The following BCAR3 variants were observed in gnomAD, a reference collection of about 807,000 sequenced individuals.
BCAR3 encodes the protein breast cancer anti-estrogen resistance protein 3.
BCAR3 carries 37 observed loss-of-function variants against 80.1 expected under a neutral mutation model. The observed-to-expected ratio is 0.46, with a 90% confidence interval of 0.36 to 0.61. The LOEUF is 0.61. Ranked by LOEUF, BCAR3 falls within the 20% of genes least tolerant of loss-of-function variation. The pLI is 0.00. For missense variants in BCAR3, 978 were observed against 1,068.2 expected, an observed-to-expected ratio of 0.92 and a Z score of 1.18; for synonymous variants, 389 against 418.9, an observed-to-expected ratio of 0.93 and a Z score of 0.87.
At chr1:93,783,512 T>A (rs1479355858) in intron 2 of BCAR3, among the ~76,000 whole-genome samples, 1 of 152,098 alleles carries the variant, frequency 6.6e-6, no homozygotes, top group African/African-American at 2.4e-5. Context: ...GTTGGAAACA[T>A]ATAGAAAGAG....
intron 3 of BCAR3, among the ~76,000 whole-genome samples, chr1:93,619,092 C>T (rs187764672): frequency 0.028 from 4,194 of 149,786 alleles, 77 homozygotes; most frequent in Non-Finnish European, 0.041. Flanking sequence ...GCACATGCCA[C>T]CACGCCAATT....
chr1:93,614,162 A>C, intron 3 of BCAR3: 1 of 1,320,176 alleles, frequency 7.6e-7, no homozygotes, highest in Non-Finnish European at 9.6e-7. Context: ...GCTGGTGTCC[A>C]GCCTGCCATG....
In BCAR3 at chr1:93,711,784, C is replaced by T. The variant is rs940995806; in HGVS notation, c.-62-5642G>A. 2.0e-5 allele frequency among the ~76,000 whole-genome samples: 3 copies of T among 152,200 alleles called. No homozygotes were observed. In the South Asian group the frequency reaches 6.2e-4, roughly 32 times the overall value. ...TAGTTGTCCTCATCTTGTTCTTAGC[C>T]TGTCTGCCTCACTGCTAAGGAAGCA... On this transcript the variant is annotated intron_variant, in intron 2 of 13. Transcript: ENST00000370244.
chr1:93,587,269 GC>G (rs1673983518), intron 5 of BCAR3, among the ~76,000 whole-genome samples: 1 of 152,096 alleles, frequency 6.6e-6, no homozygotes, highest in African/African-American at 2.4e-5. Context: ...CAGGCAATCT[GC>G]CCACCTTAGC....
intron 7 of BCAR3, among the ~76,000 whole-genome samples, chr1:93,576,331 G>C (rs762165965): frequency 1.3e-5 from 2 of 151,742 alleles, no homozygotes; most frequent in Non-Finnish European, 2.9e-5. Context: ...ATAAAACTTA[G>C]GGGGAAAAGA....
At chr1:93,790,079 T>C (rs1653088352) in intron 2 of BCAR3, among the ~76,000 whole-genome samples, 1 of 152,190 alleles carries the variant, frequency 6.6e-6, no homozygotes, top group South Asian at 2.1e-4. Context: ...TGGCTATTAG[T>C]TCAAATTGAT....
chr1:93,639,831 T>C (rs1481283689), intron 3 of BCAR3, among the ~76,000 whole-genome samples: 1 of 152,126 alleles, frequency 6.6e-6, no homozygotes, highest in Non-Finnish European at 1.5e-5. Flanking sequence ...CTGGAGCTCC[T>C]GCCAGTATTT....
intron 2 of BCAR3, among the ~76,000 whole-genome samples, chr1:93,776,819 T>C (rs556784819): frequency 6.6e-6 from 1 of 152,360 alleles, no homozygotes; most frequent in Non-Finnish European, 1.5e-5. Context: ...TATGTCTTCC[T>C]ATTTGTGATC....
chr1:93,804,018 A>T (rs1455214360), intron 2 of BCAR3, among the ~76,000 whole-genome samples: 1 of 152,214 alleles, frequency 6.6e-6, no homozygotes, highest in East Asian at 1.9e-4. Context: ...CATGTCAGTG[A>T]AATATCTGAA....
chr1:93,778,394 G>C (rs940159095), intron 2 of BCAR3, among the ~76,000 whole-genome samples: 9 of 152,092 alleles, frequency 5.9e-5, no homozygotes. Context: ...TTATGGTGAA[G>C]AATCTTGGTT....
At chr1:93,739,560 G>A (rs1208827691) in intron 2 of BCAR3, among the ~76,000 whole-genome samples, 2 of 152,138 alleles carry the variant, frequency 1.3e-5, no homozygotes, top group African/African-American at 4.8e-5. Context: ...CGCATGCAGG[G>A]CCCTGAGCTG....
chr1:93,721,218 C>G (rs1557665782), intron 2 of BCAR3, among the ~76,000 whole-genome samples: 1 of 152,118 alleles, frequency 6.6e-6, no homozygotes, highest in African/African-American at 2.4e-5. Flanking sequence ...GACAGTTACT[C>G]AGTTCCTGCC....
Position 93,788,318 on chromosome 1 carries a change from T to C in BCAR3, c.-63+57249A>G, listed in dbSNP as rs192148583. On this transcript the variant is annotated intron_variant, in intron 2 of 13. Coordinates refer to the BCAR3 transcript ENST00000370244. ...GAACTTCTCCATTCAACATTAGTAT[T>C]GAGAAGTGAGGTACTGTTCTATTCA... Among the ~76,000 whole-genome samples, 10 of 152,320 alleles carry C rather than the reference T, an allele frequency of 6.6e-5. No individual in the cohort carries two copies. In the East Asian group the frequency reaches 1.2e-3, roughly 18 times the overall value.
intron 2 of BCAR3, among the ~76,000 whole-genome samples, chr1:93,722,196 C>T (rs1031669522): frequency 2.0e-5 from 3 of 152,164 alleles, no homozygotes; most frequent in South Asian, 2.1e-4. Context: ...CTCCCGGTAC[C>T]GGATCCCATG....
intron 2 of BCAR3, among the ~76,000 whole-genome samples, chr1:93,726,678 A>T (rs1438569098): frequency 1.3e-5 from 2 of 152,142 alleles, no homozygotes; most frequent in African/African-American, 4.8e-5. Context: ...TGCAATTATA[A>T]TTGGCAGTCT....
At chr1:93,674,502 A>G (rs1648369079) in intron 2 of BCAR3, 112 bp downstream of exon 2, 1 of 1,183,346 alleles carries the variant, frequency 8.5e-7, no homozygotes, top group South Asian at 1.4e-5. Flanking sequence ...CACCCATCTC[A>G]GCCTCCCAAA....
chr1:93,721,806 C>T (rs1465937034), intron 2 of BCAR3, among the ~76,000 whole-genome samples: 1 of 152,210 alleles, frequency 6.6e-6, no homozygotes, highest in African/African-American at 2.4e-5. Flanking sequence ...GCCTCTGGAG[C>T]AAGGGTTCCT....
At chr1:93,627,723 C>A (rs1022564273) in intron 3 of BCAR3, among the ~76,000 whole-genome samples, 1 of 152,152 alleles carries the variant, frequency 6.6e-6, no homozygotes, top group Non-Finnish European at 1.5e-5. Context: ...TTAAAATATT[C>A]CATTTTAATT....
chr1:93,697,955 G>T (rs1223024487), intron 3 of BCAR3, among the ~76,000 whole-genome samples: 1 of 152,188 alleles, frequency 6.6e-6, no homozygotes, highest in Non-Finnish European at 1.5e-5. Flanking sequence ...TCCAGCCTAG[G>T]CAACAAGAGC....
Sources: allele counts gnomAD v4.1 joint callset (sites outside exome capture counted in the v4.1 genomes callset), GRCh38; gene constraint gnomAD v4.1.1; transcripts MANE v1.5; gene names NCBI Gene and HGNC (gene_info 2026-07-23, HGNC 2026-07-21).